NSG1: variants seen among roughly 807,000 people sequenced by gnomAD.
The protein encoded by NSG1 is neuronal vesicle trafficking associated 1, also known as neuronal vesicle trafficking-associated protein 1.
NSG1 carries 9 observed loss-of-function variants against 19.3 expected under a neutral mutation model. The ratio of observed to expected loss-of-function variants is 0.47; its 90% CI spans 0.28 to 0.81. The LOEUF (loss-of-function observed/expected upper bound fraction) is 0.81, where lower values mean the gene tolerates loss of function less well. NSG1 is among the 40% of genes least tolerant of loss of function. The pLI, the probability that NSG1 is intolerant of heterozygous loss-of-function variation, is 0.11. For synonymous variants in NSG1, 104 were observed against 107.0 expected (o/e 0.97, Z 0.17); for missense variants, 236 against 242.4 (o/e 0.97, Z 0.18).
intron 4 of NSG1, among the ~76,000 whole-genome samples, chr4:4,413,926 C>T (rs1724367767): frequency 6.6e-6 from 1 of 151,914 alleles, no homozygotes; most frequent in African/African-American, 2.4e-5. Context: ...TGGTGCAGAG[C>T]TAGTTACTGA....
chr4:4,397,037 A>ATCTGTG (rs1241578916), intron 3 of NSG1, among the ~76,000 whole-genome samples: 12 of 40,130 alleles, frequency 3.0e-4, no homozygotes, highest in Non-Finnish European at 5.0e-4. Context: ...GGGTTCAGTC[A>ATCTGTG]TCTGTGTGTG....
At position 4,417,948 on chromosome 4, in the gene NSG1, G is replaced by A. The variant is rs555549989; in HGVS notation, c.*513G>A. 139 of 168,926 alleles carry A rather than the reference G, an allele frequency of 8.2e-4. No individual in the cohort carries two copies. The highest frequency in any genetic ancestry group is 1.2e-3 in the South Asian group (8 of 6,722). 10.5% of individuals were successfully genotyped at this position (168,926 alleles called of 1,614,324 possible). ...AGTAAGTAAGTGGCATAGAGAACGA[G>A]GAAAAAGACCCCCCCACCCCTCCCT... On this transcript the variant is annotated 3_prime_UTR_variant, in exon 5 of 5. Transcript: ENST00000621129.
intron 3 of NSG1, among the ~76,000 whole-genome samples, chr4:4,395,445 C>T (rs1723204723): frequency 6.6e-6 from 1 of 152,148 alleles, no homozygotes; most frequent in African/African-American, 2.4e-5. Flanking sequence ...GAATGTTCTC[C>T]CAGCTTTTTA....
intron 4 of NSG1, among the ~76,000 whole-genome samples, chr4:4,415,260 C>G (rs569846764): frequency 2.6e-5 from 4 of 152,128 alleles, no homozygotes; most frequent in African/African-American, 7.2e-5. Context: ...GCTGGGAACA[C>G]ACTTACGTAG....
intron 3 of NSG1, among the ~76,000 whole-genome samples, chr4:4,403,492 G>A (rs755172505): frequency 2.0e-4 from 30 of 152,116 alleles, no homozygotes; most frequent in East Asian, 5.8e-4. Context: ...TCAAGTCGCC[G>A]CCTCCTCAGC....
chr4:4,406,314 AC>A (rs1220043506), intron 3 of NSG1, among the ~76,000 whole-genome samples: 1 of 152,160 alleles, frequency 6.6e-6, no homozygotes, highest in Admixed American at 6.5e-5. Flanking sequence ...GGCGTGAGCC[AC>A]CACGTCTGCC....
intron 4 of NSG1, among the ~76,000 whole-genome samples, chr4:4,412,742 C>A (rs1235694866): frequency 1.3e-5 from 2 of 152,230 alleles, no homozygotes; most frequent in Non-Finnish European, 2.9e-5. Flanking sequence ...CACTCAGTAG[C>A]TGGCTCTGAA....
chr4:4,392,031 C>T (rs1324240667), intron 3 of NSG1, among the ~76,000 whole-genome samples: 5 of 152,206 alleles, frequency 3.3e-5, no homozygotes. Flanking sequence ...CCTGGCACAC[C>T]AGTACTATCG....
chr4:4,412,076 C>T (rs986802794), intron 4 of NSG1, among the ~76,000 whole-genome samples: 6 of 152,170 alleles, frequency 3.9e-5, no homozygotes, highest in African/African-American at 1.2e-4. Flanking sequence ...ACGGTGGCTG[C>T]GAGGTCACCA....
chr4:4,403,867 G>A (rs1280584329), intron 3 of NSG1, among the ~76,000 whole-genome samples: 1 of 152,230 alleles, frequency 6.6e-6, no homozygotes, highest in Non-Finnish European at 1.5e-5. Flanking sequence ...GTGTTTTGGT[G>A]TGAGAGTATA....
At chr4:4,399,262 C>T (rs1333243846) in intron 3 of NSG1, among the ~76,000 whole-genome samples, 1 of 152,166 alleles carries the variant, frequency 6.6e-6, no homozygotes, top group East Asian at 1.9e-4. Flanking sequence ...CCCACCTCAG[C>T]CCCTGGAGTA....
intron 2 of NSG1, among the ~76,000 whole-genome samples, chr4:4,389,373 G>C (rs767936745): frequency 6.6e-6 from 1 of 152,196 alleles, no homozygotes; most frequent in African/African-American, 2.4e-5. Flanking sequence ...TGCTCTTCTC[G>C]GGTCCAGCCA....
At chr4:4,396,508 C>T (rs1368654182) in intron 3 of NSG1, among the ~76,000 whole-genome samples, 1 of 152,188 alleles carries the variant, frequency 6.6e-6, no homozygotes, top group Non-Finnish European at 1.5e-5. Context: ...CACCTTTCAC[C>T]GCCAGCACAG....
intron 3 of NSG1, 70 bp downstream of exon 3, chr4:4,391,661 C>A: frequency 9.5e-7 from 1 of 1,047,924 alleles, no homozygotes; most frequent in Non-Finnish European, 1.4e-6. Context: ...TGCATAGATG[C>A]CCTGCAGGGA....
intron 1 of NSG1, 43 bp from the exon 2 acceptor site, chr4:4,387,561 C>CCGGGGGTGGGTGGG: frequency 1.8e-5 from 20 of 1,141,976 alleles, no homozygotes; most frequent in East Asian, 5.4e-5. Context: ...CGCCCCGCCC[C>CCGGGGGTGGGTGGG]GGGTCTTGCT....
intron 3 of NSG1, among the ~76,000 whole-genome samples, chr4:4,408,304 G>C (rs1302363161): frequency 6.6e-6 from 1 of 152,186 alleles, no homozygotes; most frequent in African/African-American, 2.4e-5. Flanking sequence ...TGCTGGGAGG[G>C]GCGGTGGGGA....
At position 4,409,617 on chromosome 4, in the gene NSG1, C is replaced by T. The variant is rs1279841991; in HGVS notation, c.291C>T (p.Val97=). 2.5e-6 allele frequency: 4 copies of T among 1,614,176 alleles called. No individual in the cohort carries two copies. The highest frequency in any genetic ancestry group is 2.2e-5 in the South Asian group (2 of 91,084). Residue 97 remains valine, a synonymous_variant, in exon 4 of 5, where the codon GTC becomes GTT. Coordinates refer to ENST00000621129, the MANE Select transcript of NSG1 (RefSeq NM_014392.5). ...VLFALAFLTC[V]VFLVVYKVYK... ...TCGCCCTGGCCTTCCTCACCTGCGT[C>T]GTCTTCCTGGTTGTCTACAAGGTGT...
intron 4 of NSG1, 143 bp downstream of exon 4, chr4:4,409,826 T>G (rs1193176931): frequency 1.5e-6 from 1 of 680,294 alleles, no homozygotes; most frequent in Non-Finnish European, 2.6e-6. Context: ...GTCAGGAGTG[T>G]CCCTGTGGAA....
chr4:4,409,171 C>T (rs556044753), intron 3 of NSG1, among the ~76,000 whole-genome samples: 68 of 152,316 alleles, frequency 4.5e-4, no homozygotes, highest in Non-Finnish European at 8.5e-4. Context: ...ATTTGCTGAG[C>T]GGATGCTTGG....
Sources: gnomAD v4.1 joint callset for allele counts (sites outside exome capture counted in the v4.1 genomes callset) on GRCh38, gnomAD v4.1.1 for gene constraint, MANE v1.5 for transcripts, NCBI Gene and HGNC (gene_info 2026-07-23, HGNC 2026-07-21) for gene names.